Variants in TEC observed in about 807,000 individuals in gnomAD.
The protein encoded by TEC is tec protein tyrosine kinase.
Under a neutral mutation model 93.0 loss-of-function variants are expected in TEC, and 72 were observed. The observed-to-expected ratio is 0.77, with a 90% CI of 0.64 to 0.94. TEC has a LOEUF of 0.94. Among genes scored for constraint, TEC ranks in the 40% least tolerant of loss-of-function variants. The pLI is 0.00. For missense variants in TEC, 630 were observed against 757.9 expected, an observed-to-expected ratio of 0.83 and a Z score of 1.98; for synonymous variants, 249 against 247.7, an observed-to-expected ratio of 1.01 and a Z score of -0.05.
At chr4:48,260,966 T>C (rs1180487098) in intron 1 of TEC, among the ~76,000 whole-genome samples, 1 of 152,192 alleles carries the variant, frequency 6.6e-6, no homozygotes, top group Non-Finnish European at 1.5e-5. Flanking sequence ...ACAAGGAATA[T>C]ATAAAACTCT....
rs535893788 is a variant in TEC, at chr4:48,241,160, C to G, written c.-45-12501G>C. On this transcript the variant is annotated intron_variant, in intron 1 of 17. Transcript: ENST00000381501. ...ATAATGAACTTTCCTGTTCTTTGCT[C>G]TATTCATCATTGTCATTATCTGGTC... Among the ~76,000 whole-genome samples the G allele has an allele frequency of 2.0e-3, 303 of 151,888 alleles. 3 individuals are homozygous for G. The highest frequency in any genetic ancestry group is 7.0e-3 in the African/African-American group (290 of 41,428).
At chr4:48,261,797 A>T (rs934948410) in intron 1 of TEC, among the ~76,000 whole-genome samples, 2 of 152,182 alleles carry the variant, frequency 1.3e-5, no homozygotes, top group Non-Finnish European at 2.9e-5. Context: ...CTTGAAAAAC[A>T]AATGACATAT....
At chr4:48,249,524 T>A (rs993135871) in intron 1 of TEC, among the ~76,000 whole-genome samples, 1 of 152,268 alleles carries the variant, frequency 6.6e-6, no homozygotes, top group Non-Finnish European at 1.5e-5. Context: ...TTTTAAATGC[T>A]AGTATGTGCC....
intron 1 of TEC, among the ~76,000 whole-genome samples, chr4:48,264,239 G>A (rs1724573425): frequency 6.6e-6 from 1 of 152,126 alleles, no homozygotes; most frequent in Non-Finnish European, 1.5e-5. Flanking sequence ...AAAAAGAGGG[G>A]TGGGCTAAAA....
At chr4:48,261,990 G>A (rs995424473) in intron 1 of TEC, among the ~76,000 whole-genome samples, 10 of 151,806 alleles carry the variant, frequency 6.6e-5, no homozygotes, top group African/African-American at 2.4e-4. Flanking sequence ...TATACAGATG[G>A]AAAATAATGA....
intron 4 of TEC, among the ~76,000 whole-genome samples, chr4:48,171,075 A>G (rs1342226141): frequency 1.3e-5 from 2 of 152,158 alleles, no homozygotes; most frequent in African/African-American, 4.8e-5. Context: ...AAAACACCAA[A>G]TTCTGTTATC....
intron 1 of TEC, among the ~76,000 whole-genome samples, chr4:48,268,612 G>A (rs1307750962): frequency 2.6e-5 from 4 of 152,174 alleles, no homozygotes; most frequent in East Asian, 3.8e-4. Context: ...AGCTACCAGT[G>A]TCACGACCTA....
intron 1 of TEC, among the ~76,000 whole-genome samples, chr4:48,269,047 A>T (rs1432079352): frequency 6.6e-6 from 1 of 150,674 alleles, no homozygotes; most frequent in Non-Finnish European, 1.5e-5. Flanking sequence ...AGAAGTACAT[A>T]CATTGGCCGG....
intron 1 of TEC, among the ~76,000 whole-genome samples, chr4:48,235,749 A>C (rs1723766200): frequency 6.6e-6 from 1 of 152,200 alleles, no homozygotes; most frequent in Non-Finnish European, 1.5e-5. Context: ...TCACACAGAA[A>C]AATAATAAAA....
At chr4:48,170,841 G>C (rs1039349888) in intron 4 of TEC, among the ~76,000 whole-genome samples, 1 of 152,014 alleles carries the variant, frequency 6.6e-6, no homozygotes, top group African/African-American at 2.4e-5. Flanking sequence ...ACCTGAGGTC[G>C]GGAGTTCAAG....
intron 2 of TEC, among the ~76,000 whole-genome samples, chr4:48,179,415 G>T (rs1721497460): frequency 2.9e-5 from 3 of 102,482 alleles, no homozygotes; most frequent in East Asian, 3.1e-4. Context: ...ACAGAGTCTT[G>T]CTGTGTCACC....
chr4:48,246,866 T>A, intron 1 of TEC, among the ~76,000 whole-genome samples: 1 of 152,088 alleles, frequency 6.6e-6, no homozygotes, highest in East Asian at 1.9e-4. Context: ...AAATATGACA[T>A]CAAAAGCATA....
chr4:48,253,022 A>G (rs780461977), intron 1 of TEC, among the ~76,000 whole-genome samples: 6 of 152,218 alleles, frequency 3.9e-5, no homozygotes, highest in South Asian at 2.1e-4. Context: ...ATCATATAGA[A>G]TGCAGCGCTT....
At chr4:48,252,389 A>AT (rs998276959) in intron 1 of TEC, among the ~76,000 whole-genome samples, 51 of 150,942 alleles carry the variant, frequency 3.4e-4, no homozygotes, top group Admixed American at 9.9e-4. Flanking sequence ...AGTCTGCTTA[A>AT]TTTTTTTTTT....
intron 5 of TEC, 85 bp from the exon 6 acceptor site, chr4:48,168,711 G>A: frequency 6.9e-7 from 1 of 1,452,256 alleles, no homozygotes; most frequent in Non-Finnish European, 9.5e-7. Flanking sequence ...TTAAGGAAAA[G>A]TGGAAGTTAA....
intron 1 of TEC, among the ~76,000 whole-genome samples, chr4:48,263,683 C>T (rs375133709): frequency 2.0e-5 from 3 of 151,866 alleles, no homozygotes; most frequent in Non-Finnish European, 4.4e-5. Flanking sequence ...GGTGACAGAG[C>T]GAGACTGTCT....
rs1382362335 is a variant in TEC at position 48,228,518 on chromosome 4, G to A, written c.97C>T (p.Leu33Phe). Residue 33 changes from leucine (L) to phenylalanine (F), a missense_variant, in exon 2 of 18, where the codon CTT becomes TTT. Coordinates refer to ENST00000381501, the MANE Select transcript of TEC (RefSeq NM_003215.3). ...PLNYKERLFV[L>F]TKSMLTYYEG... is the part of the protein sequence containing the mutation. ...TAGTAGGTTAGCATGGACTTTGTAA[G>A]TACAAAAAGTCTCTCTTTGTAGTTT... The A allele has an allele frequency of 5.6e-6, 9 of 1,612,842 alleles. No individual in the cohort carries two copies. The highest frequency in any genetic ancestry group is 7.6e-6 in the Non-Finnish European group (9 of 1,179,888).
chr4:48,201,452 C>G (rs2704415), intron 2 of TEC, among the ~76,000 whole-genome samples: 94,052 of 151,878 alleles, frequency 0.62, 29,217 homozygotes, highest in Admixed American at 0.68. Context: ...AGAGACCCCA[C>G]GAAAGAACCC....
chr4:48,140,807 A>G (rs6447616), intron 15 of TEC, among the ~76,000 whole-genome samples: 123,450 of 152,094 alleles, frequency 0.81, 50,221 homozygotes, highest in East Asian at 0.92. Flanking sequence ...AGTATCGACC[A>G]TGCTCGATCA....
Sources: gnomAD v4.1 joint callset for allele counts (sites outside exome capture counted in the v4.1 genomes callset) on GRCh38, gnomAD v4.1.1 for gene constraint, MANE v1.5 for transcripts, NCBI Gene and HGNC (gene_info 2026-07-23, HGNC 2026-07-21) for gene names.